RTCA: variants seen among roughly 807,000 people sequenced by gnomAD.
The protein encoded by RTCA is RNA terminal phosphate cyclase domain 1.
Under a neutral mutation model 46.1 loss-of-function variants are expected in RTCA, and 37 were observed. The observed-to-expected ratio is 0.80, with a 90% confidence interval of 0.62 to 1.06. The LOEUF (loss-of-function observed/expected upper bound fraction) is 1.06. Among genes scored for constraint, RTCA ranks in the 50% least tolerant of loss-of-function variants. RTCA has a pLI of 0.00. For missense variants in RTCA, 435 were observed against 455.5 expected (o/e 0.95, Z 0.41); for synonymous variants, 164 against 158.3 (o/e 1.04, Z -0.27).
chr1:100,277,100 A>G (rs1666434921), intron 7 of RTCA, among the ~76,000 whole-genome samples, 158 bp from the exon 8 acceptor site: 1 of 152,240 alleles, frequency 6.6e-6, no homozygotes, highest in Non-Finnish European at 1.5e-5. Context: ...AAGATAGACA[A>G]TGTTAATCAT....
rs200257072 is a variant in RTCA, at chr1:100,291,390, C to G, written c.1000-13C>G. The stretch of plus-strand genomic sequence containing the variant: ...CTCTTCGTATTACTTATATACTCCT[C>G]TTCTGATTTCAGGCTAAATTTATTG... On this transcript the variant is annotated splice_polypyrimidine_tract_variant and intron_variant, in intron 10 of 10. Transcript: ENST00000370128. 1.3e-6 allele frequency: 2 copies of G among 1,574,428 alleles called. No individual in the cohort carries two copies. Among genetic ancestry groups the G allele is most frequent in the Non-Finnish European group, 1.7e-6 (2 of 1,148,130 alleles).
At chr1:100,291,249 A>AC (rs1667337188) in intron 10 of RTCA, among the ~76,000 whole-genome samples, 154 bp from the exon 11 acceptor site, 2 of 149,656 alleles carry the variant, frequency 1.3e-5, no homozygotes, top group African/African-American at 5.0e-5. Flanking sequence ...GAGGCTATTA[A>AC]GTTTCTTTCT....
At chr1:100,267,560 T>A (rs1665855780) in intron 2 of RTCA, 2 of 1,542,646 alleles carry the variant, frequency 1.3e-6, no homozygotes, top group South Asian at 1.2e-5. Context: ...CTGAGAGCCA[T>A]GAGAAAAGGA....
chr1:100,285,117 C>T, intron 8 of RTCA, 111 bp from the exon 9 acceptor site: 2 of 746,218 alleles, frequency 2.7e-6, no homozygotes, highest in Non-Finnish European at 2.3e-6. Flanking sequence ...GTTTTTGAGG[C>T]CTAAAAATTG....
intron 8 of RTCA, among the ~76,000 whole-genome samples, chr1:100,279,590 C>T (rs765882812): frequency 2.6e-5 from 4 of 151,910 alleles, no homozygotes; most frequent in African/African-American, 9.7e-5. Context: ...GCCTGGCCAA[C>T]ATGGCAAGAT....
intron 4 of RTCA, among the ~76,000 whole-genome samples, chr1:100,272,377 C>A (rs1296160459): frequency 6.6e-6 from 1 of 152,116 alleles, no homozygotes; most frequent in Admixed American, 6.5e-5. Context: ...ATCTCTTGAG[C>A]TTAAGCTGGA....
At position 100,291,543 on chromosome 1, in the gene RTCA, C is replaced by T. The variant is rs926827756; in HGVS notation, c.*39C>T. The T allele has an allele frequency of 3.4e-6, 4 of 1,174,052 alleles. No homozygotes were observed. The South Asian group carries it at 4.0e-5, about 12-fold the overall frequency. 72.7% of individuals were successfully genotyped at this position (1,174,052 alleles called of 1,614,324 possible). ...TAAATGATACCTCATTGATATATTG[C>T]ACTATTTCATAAATACTATAAAATA... is the stretch of plus-strand genomic sequence containing the variant. On this transcript the variant is annotated 3_prime_UTR_variant, in exon 11 of 11. Transcript: ENST00000370128.
Position 100,270,542 on chromosome 1 carries a change from C to A in RTCA, c.291-15C>A. On this transcript the variant is annotated splice_polypyrimidine_tract_variant and intron_variant, in intron 3 of 10. Coordinates refer to ENST00000370128, the MANE Select transcript of RTCA (RefSeq NM_003729.4). ...AAAAGAAAATGAAAATAAGCCCCTTCTGCCTTCTCCTTAGGAGTGTGTGCC... is the reference window on the plus strand; with the variant it reads ...AAAAGAAAATGAAAATAAGCCCCTTATGCCTTCTCCTTAGGAGTGTGTGCC... The A allele has an allele frequency of 6.2e-7, 1 of 1,606,000 alleles. No individual in the cohort carries two copies. The highest frequency in any genetic ancestry group is 8.5e-7 in the Non-Finnish European group (1 of 1,177,730).
intron 3 of RTCA, among the ~76,000 whole-genome samples, chr1:100,268,554 C>G (rs1332104112): frequency 6.6e-6 from 1 of 152,118 alleles, no homozygotes; most frequent in Admixed American, 6.5e-5. Flanking sequence ...CAGCACCATG[C>G]CCCGCTAATT....
In RTCA at chr1:100,288,868, G is replaced by T. The variant is rs561591591; in HGVS notation, c.999+1665G>T. On this transcript the variant is annotated intron_variant, in intron 10 of 10. Coordinates refer to ENST00000370128, the MANE Select transcript of RTCA (RefSeq NM_003729.4). ...ATAGAGTCTTGCTCTGTTAGCCCAG[G>T]TTGGAGTGCAGTGGCACAGTCTTGG... Among the ~76,000 whole-genome samples, 4 of 151,622 alleles carry T rather than the reference G, an allele frequency of 2.6e-5. No homozygotes were observed. In the East Asian group the frequency reaches 7.7e-4, roughly 29 times the overall value.
chr1:100,290,642 T>G (rs981739517), intron 10 of RTCA, among the ~76,000 whole-genome samples: 1 of 152,106 alleles, frequency 6.6e-6, no homozygotes, highest in Non-Finnish European at 1.5e-5. Flanking sequence ...GGCATGTGCC[T>G]GTGGTCCCAG....
At chr1:100,278,433 C>T (rs188865036) in intron 8 of RTCA, among the ~76,000 whole-genome samples, 22 of 152,250 alleles carry the variant, frequency 1.4e-4, no homozygotes, top group Non-Finnish European at 1.8e-4. Context: ...TAGTTGTTTG[C>T]GTGGTCATTG....
rs1028334883 is a variant in RTCA at position 100,266,328 on chromosome 1, C to T, written c.-48C>T. ...GAGCCAACGTCTCTTCTTTCTCCCG[C>T]TCTGGCGGAGGCTTTGTCGCTGCGG... is the stretch of plus-strand genomic sequence containing the variant. On this transcript the variant is annotated 5_prime_UTR_variant, in exon 1 of 11. Coordinates refer to ENST00000370128, the MANE Select transcript of RTCA (RefSeq NM_003729.4). 2 of 1,597,428 alleles carry T rather than the reference C, an allele frequency of 1.3e-6. No homozygotes were observed. Among genetic ancestry groups the T allele is most frequent in the African/African-American group, 1.4e-5 (1 of 73,612 alleles).
At chr1:100,275,774 T>C (rs746038760) in intron 7 of RTCA, 51 bp downstream of exon 7, 5 of 1,456,138 alleles carry the variant, frequency 3.4e-6, no homozygotes, top group South Asian at 1.4e-5. Flanking sequence ...AAAATAGTTA[T>C]CTAATTAAAT....
chr1:100,268,770 TGTAA>T (rs1442306880), intron 3 of RTCA, among the ~76,000 whole-genome samples: 3 of 152,306 alleles, frequency 2.0e-5, no homozygotes, highest in East Asian at 1.9e-4. Flanking sequence ...AGCATCATTG[TGTAA>T]GTGAGTTAAA....
intron 7 of RTCA, among the ~76,000 whole-genome samples, 175 bp from the exon 8 acceptor site, chr1:100,277,083 T>C (rs1666433729): frequency 6.6e-6 from 1 of 152,230 alleles, no homozygotes; most frequent in African/African-American, 2.4e-5. Context: ...ATACTACTGG[T>C]CTGATTAAGA....
rs905735463 is a variant in RTCA, at chr1:100,292,713, A to T, written c.*1209A>T. The T allele has an allele frequency of 1.3e-5, 2 of 152,140 alleles. No individual in the cohort carries two copies. Among genetic ancestry groups the T allele is most frequent in the Non-Finnish European group, 2.9e-5 (2 of 68,030 alleles). The allele number at this position is 152,140 out of a possible 1,614,324, so 9.4% of individuals were successfully genotyped here. ...GTAGGTTTCGCAGATTCATCCCCAG[A>T]TATGTTTTTGTTTGGCTTGTGTTAT... is the stretch of plus-strand genomic sequence containing the variant. On this transcript the variant is annotated 3_prime_UTR_variant, in exon 11 of 11. Coordinates refer to ENST00000370128, the MANE Select transcript of RTCA (RefSeq NM_003729.4).
At chr1:100,267,493 C>A in intron 2 of RTCA, 1 of 1,531,230 alleles carries the variant, frequency 6.5e-7, no homozygotes, top group South Asian at 1.2e-5. Flanking sequence ...AATTTATTTC[C>A]TCACAGTTCT....
In RTCA at chr1:100,268,328, C is replaced by T. The variant is rs566249054; in HGVS notation, c.290+33C>T. 279 of 1,543,292 alleles carry T rather than the reference C, an allele frequency of 1.8e-4. 1 individual carries two copies. In the South Asian group the frequency reaches 3.1e-3, roughly 17 times the overall value. On this transcript the variant is annotated intron_variant, in intron 3 of 10. Transcript: ENST00000370128. ...TCACTTAACATTCCATTTAAGTAAC[C>T]TGGGTTTAAGTCCAGGTTTTGCCAC...
Sources: allele counts gnomAD v4.1 joint callset (sites outside exome capture counted in the v4.1 genomes callset), GRCh38; gene constraint gnomAD v4.1.1; transcripts MANE v1.5; gene names NCBI Gene and HGNC (gene_info 2026-07-23, HGNC 2026-07-21).